Variants in ST6GALNAC3 observed in about 807,000 individuals in gnomAD.
ST6GALNAC3 encodes alpha-N-acetylgalactosaminide alpha-2,6-sialyltransferase 3.
A neutral mutation model predicts 32.7 loss-of-function variants in ST6GALNAC3; 25 were observed. The observed-to-expected ratio is 0.76, with a 90% confidence interval of 0.56 to 1.07. The LOEUF (loss-of-function observed/expected upper bound fraction) is 1.07. Among genes scored for constraint, ST6GALNAC3 ranks in the 50% least tolerant of loss-of-function variants. The pLI is 0.00. For synonymous variants in ST6GALNAC3, 129 were observed against 133.1 expected (o/e 0.97, Z 0.21); for missense variants, 355 against 382.4 (o/e 0.93, Z 0.60).
chr1:76,456,001 C>T (rs1167902757), intron 3 of ST6GALNAC3, among the ~76,000 whole-genome samples: 1 of 152,094 alleles, frequency 6.6e-6, no homozygotes, highest in East Asian at 1.9e-4. Flanking sequence ...GCCTGGCCAA[C>T]ATGGCAAAGC....
intron 1 of ST6GALNAC3, among the ~76,000 whole-genome samples, chr1:76,125,018 T>TC (rs1387226709): frequency 6.6e-6 from 1 of 152,212 alleles, no homozygotes; most frequent in Non-Finnish European, 1.5e-5. Flanking sequence ...ATATTTTGGA[T>TC]CTATTGGGTT....
intron 3 of ST6GALNAC3, among the ~76,000 whole-genome samples, chr1:76,458,104 T>C (rs371229250): frequency 3.4e-5 from 5 of 147,622 alleles, no homozygotes; most frequent in East Asian, 4.0e-4. Context: ...CAAAAGAAGA[T>C]ATTTATGCAG....
chr1:76,571,519 T>G (rs1233186324), intron 3 of ST6GALNAC3, among the ~76,000 whole-genome samples: 1 of 152,170 alleles, frequency 6.6e-6, no homozygotes, highest in Non-Finnish European at 1.5e-5. Flanking sequence ...GTTAGGGAAC[T>G]GTGTTGAATT....
Position 76,114,917 on chromosome 1 carries a change from CAAAAAAA to C in ST6GALNAC3, c.18+40044_18+40050del, listed in dbSNP as rs542571151. ...CTGGGCAAAGAGTGAGACCTTGTCT[CAAAAAAA>C]AAAAAAAAAAGAAAAAGAAAAAAAA... On this transcript the variant is annotated intron_variant, in intron 1 of 4. Transcript: ENST00000328299. 7.6e-5 allele frequency among the ~76,000 whole-genome samples: 6 copies of C among 79,004 alleles called. No homozygotes were observed. In the East Asian group the frequency reaches 2.7e-3, roughly 36 times the overall value. 51.8% of individuals were successfully genotyped at this position (79,004 alleles called of 152,430 possible).
intron 1 of ST6GALNAC3, among the ~76,000 whole-genome samples, chr1:76,139,408 A>G (rs965590496): frequency 1.3e-5 from 2 of 150,166 alleles, no homozygotes; most frequent in African/African-American, 4.9e-5. Flanking sequence ...ACACACACAT[A>G]TAAACACACA....
intron 3 of ST6GALNAC3, among the ~76,000 whole-genome samples, chr1:76,599,292 T>A (rs546150411): frequency 4.1e-4 from 63 of 152,270 alleles, no homozygotes; most frequent in African/African-American, 9.6e-4. Flanking sequence ...TAAACTTTTT[T>A]AATTATACTT....
intron 2 of ST6GALNAC3, among the ~76,000 whole-genome samples, chr1:76,399,760 A>G (rs917496855): frequency 1.2e-4 from 19 of 152,158 alleles, no homozygotes; most frequent in African/African-American, 3.9e-4. Flanking sequence ...ATATTTCTCA[A>G]TAAAATGGTG....
chr1:76,447,983 C>T (rs1398836719), intron 3 of ST6GALNAC3, among the ~76,000 whole-genome samples: 3 of 152,086 alleles, frequency 2.0e-5, no homozygotes, highest in Admixed American at 6.5e-5. Context: ...GCACCACCAT[C>T]CTCCAGACCC....
chr1:76,388,071 A>G (rs966707946), intron 2 of ST6GALNAC3, among the ~76,000 whole-genome samples: 8 of 152,124 alleles, frequency 5.3e-5, no homozygotes, highest in African/African-American at 1.7e-4. Flanking sequence ...TTCTGTGTCA[A>G]GGCAGACTGA....
chr1:76,605,951 A>G (rs1570429615), intron 3 of ST6GALNAC3, among the ~76,000 whole-genome samples: 1 of 151,636 alleles, frequency 6.6e-6, no homozygotes, highest in African/African-American at 2.4e-5. Context: ...GCCAAAAACC[A>G]TGTAAAAAAC....
At chr1:76,226,132 T>C (rs979529781) in intron 1 of ST6GALNAC3, among the ~76,000 whole-genome samples, 1 of 152,290 alleles carries the variant, frequency 6.6e-6, no homozygotes, top group Non-Finnish European at 1.5e-5. Context: ...GCACCCAGAC[T>C]GTGGGTATAA....
intron 3 of ST6GALNAC3, among the ~76,000 whole-genome samples, chr1:76,609,831 A>G (rs1293809745): frequency 6.6e-6 from 1 of 151,940 alleles, no homozygotes; most frequent in East Asian, 1.9e-4. Context: ...CTTGGGTTCA[A>G]TCTAACACAC....
At chr1:76,588,522 C>G (rs1027376426) in intron 3 of ST6GALNAC3, among the ~76,000 whole-genome samples, 8 of 152,186 alleles carry the variant, frequency 5.3e-5, no homozygotes, top group Admixed American at 2.6e-4. Flanking sequence ...TACTGTAAAT[C>G]AGTGCGTGTG....
chr1:76,361,235 C>A (rs1446438464), intron 2 of ST6GALNAC3, among the ~76,000 whole-genome samples: 1 of 151,976 alleles, frequency 6.6e-6, no homozygotes, highest in Non-Finnish European at 1.5e-5. Flanking sequence ...TTCCCCTGTC[C>A]CCTCATTTCT....
intron 1 of ST6GALNAC3, among the ~76,000 whole-genome samples, chr1:76,109,284 T>G (rs1484462571): frequency 1.3e-5 from 2 of 152,082 alleles, no homozygotes; most frequent in African/African-American, 2.4e-5. Flanking sequence ...TCCTCCCCAT[T>G]AAGAGTAATG....
chr1:76,159,845 C>A (rs1361253528), intron 1 of ST6GALNAC3, among the ~76,000 whole-genome samples: 1 of 152,092 alleles, frequency 6.6e-6, no homozygotes, highest in East Asian at 1.9e-4. Context: ...ATTTAATTTC[C>A]CCATCAACCC....
chr1:76,300,211 A>C (rs1160946091), intron 1 of ST6GALNAC3, among the ~76,000 whole-genome samples: 1 of 152,054 alleles, frequency 6.6e-6, no homozygotes, highest in Non-Finnish European at 1.5e-5. Context: ...GGCAGCTGCT[A>C]TCTGCCCAAT....
At chr1:76,242,327 G>A (rs1657010477) in intron 1 of ST6GALNAC3, among the ~76,000 whole-genome samples, 1 of 152,144 alleles carries the variant, frequency 6.6e-6, no homozygotes, top group African/African-American at 2.4e-5. Flanking sequence ...TAGCTGGGAT[G>A]AGCTAGAGTT....
intron 3 of ST6GALNAC3, among the ~76,000 whole-genome samples, chr1:76,415,811 T>C (rs1237647273): frequency 6.6e-6 from 1 of 152,156 alleles, no homozygotes; most frequent in African/African-American, 2.4e-5. Context: ...TCTTTGTTTC[T>C]TGGGCTTTAC....
Sources: allele counts gnomAD v4.1 joint callset (sites outside exome capture counted in the v4.1 genomes callset), GRCh38; gene constraint gnomAD v4.1.1; transcripts MANE v1.5; gene names NCBI Gene and HGNC (gene_info 2026-07-23, HGNC 2026-07-21).